The following STRN4 variants were observed in gnomAD, a reference collection of about 807,000 sequenced individuals.
STRN4 encodes striatin 4, also known as striatin-4.
In STRN4, 27 loss-of-function variants were observed where a neutral mutation model predicts 77.9. That is an observed-to-expected ratio of 0.35 (90% CI 0.26 to 0.48). The LOEUF is 0.48. Among genes scored for constraint, STRN4 ranks in the 20% least tolerant of loss-of-function variants. The probability of loss-of-function intolerance (pLI) is 0.99; values close to 1 mark genes in which losing one functional copy is unlikely to be tolerated. For synonymous variants in STRN4, 466 were observed against 443.1 expected, an observed-to-expected ratio of 1.05 and a Z score of -0.65; for missense variants, 798 against 1,049.7, an observed-to-expected ratio of 0.76 and a Z score of 3.31.
In STRN4 at chr19:46,730,792, G is replaced by C. The variant is rs369099278; in HGVS notation, c.819C>G (p.Asp273Glu). The C allele has an allele frequency of 8.1e-6, 13 of 1,612,978 alleles. No homozygotes were observed. The East Asian group carries it at 2.9e-4, about 36-fold the overall frequency. The change falls in exon 6 of 18, where the codon GAC becomes GAG. Residue 273 changes from aspartate to glutamate, a missense_variant. Physicochemically the swap from Asp to Glu is conservative, Grantham distance 45. Around this residue, in one of 2 missense-constraint regions of STRN4, gnomAD observed 511 missense variants for 575.9 expected, o/e 0.89. Coordinates refer to ENST00000263280, the MANE Select transcript of STRN4 (RefSeq NM_013403.3). Reference sequence around the variant, plus strand: ...GCTCATCGTCCTCGTCGCTGTCTTCGTCCTCGCAGTTCTGCAGGAAGGGGA... The same window carrying C: ...GCTCATCGTCCTCGTCGCTGTCTTCCTCCTCGCAGTTCTGCAGGAAGGGGA... ...GQIPFLQNCE[D>E]EDSDEDDELD... is the part of the protein sequence containing the mutation.
chr19:46,723,074 C>G lies in STRN4; in HGVS notation c.1765+40G>C. 6.4e-7 allele frequency: 1 copy of G among 1,560,664 alleles called. No individual in the cohort carries two copies. Among genetic ancestry groups the G allele is most frequent in the Non-Finnish European group, 8.7e-7 (1 of 1,152,348 alleles). ...GAACCACTCTGATAGCCTCCAGATC[C>G]CGCACAGCTCCAGGGTGAGGCACCG... On this transcript the variant is annotated intron_variant, in intron 13 of 17. Coordinates refer to ENST00000263280, the MANE Select transcript of STRN4 (RefSeq NM_013403.3). This position sits in a 1 kb window ranked among gnomAD's most constrained non-coding sequence, Gnocchi z 5.5.
At chr19:46,740,553 G>T (rs2054455405) in intron 1 of STRN4, among the ~76,000 whole-genome samples, 1 of 151,598 alleles carries the variant, frequency 6.6e-6, no homozygotes, top group South Asian at 2.1e-4. Context: ...ACCGACCACC[G>T]AAGACAAGTC....
Position 46,746,363 on chromosome 19 carries a change from C to T in STRN4, c.68G>A (p.Gly23Asp). Reference protein sequence around the residue: ...AASSCRPLGSGAGPGPTGAAP... With the variant: ...AASSCRPLGSDAGPGPTGAAP... Reference sequence around the variant, plus strand: ...CGCCCCAGTGGGGCCAGGGCCCGCGCCTGAGCCGAGCGGACGGCAGGAGGA... The same window carrying T: ...CGCCCCAGTGGGGCCAGGGCCCGCGTCTGAGCCGAGCGGACGGCAGGAGGA... Residue 23 changes from glycine (G) to aspartate (D), a missense_variant, in exon 1 of 18, where the codon GGC (glycine) becomes GAC (aspartate). Transcript: ENST00000263280. The T allele has an allele frequency of 1.7e-6, 2 of 1,170,706 alleles. No homozygotes were observed. The highest frequency in any genetic ancestry group is 2.1e-6 in the Non-Finnish European group (2 of 950,190). The allele number at this position is 1,170,706 out of a possible 1,614,324, so 72.5% of individuals were successfully genotyped here.
intron 6 of STRN4, 103 bp downstream of exon 6, chr19:46,730,629 T>C (rs2054226247): frequency 6.6e-7 from 1 of 1,524,648 alleles, no homozygotes; most frequent in African/African-American, 1.4e-5. Context: ...ATATCCCTGC[T>C]GCCAGCACAC....
In STRN4 at chr19:46,737,374, G is replaced by A. The variant is rs543032867; in HGVS notation, c.461-473C>T. 1.1e-4 allele frequency among the ~76,000 whole-genome samples: 16 copies of A among 152,318 alleles called. No individual in the cohort carries two copies. The East Asian group carries it at 1.9e-3, about 18-fold the overall frequency. ...ATTCAAGTCTTTCCTGGGCATCTAC[G>A]CTGTGCCTGGCCAGGGGCCTGGGCT... On this transcript the variant is annotated intron_variant, in intron 3 of 17. Transcript: ENST00000263280.
chr19:46,740,344 GT>G (rs1224611495), intron 1 of STRN4: 1 of 151,774 alleles, frequency 6.6e-6, no homozygotes, highest in African/African-American at 2.4e-5. Flanking sequence ...AAACTCATCT[GT>G]CCGCTTCAAG....
At chr19:46,736,994 G>A (rs887458199) in intron 3 of STRN4, 93 bp from the exon 4 acceptor site, 53 of 1,264,652 alleles carry the variant, frequency 4.2e-5, no homozygotes, top group South Asian at 3.9e-4. Flanking sequence ...AACCCAAATC[G>A]GTCACTGTCG....
In STRN4 at chr19:46,720,703, G is replaced by A. The variant is rs1381287864; in HGVS notation, c.2161C>T (p.Arg721Cys). 9 of 1,610,918 alleles carry A rather than the reference G, an allele frequency of 5.6e-6. No homozygotes were observed. The highest frequency in any genetic ancestry group is 1.7e-5 in the Admixed American group (1 of 59,678). Reference protein sequence around the residue: ...KTCVQEITAHRKKHEEAIHAV... With the variant: ...KTCVQEITAHCKKHEEAIHAV... ...TGGATGGCCTCCTCGTGCTTCTTGC[G>A]GTGGGCCGTGATCTCCTGCACGCAC... is the stretch of plus-strand genomic sequence containing the variant. Residue 721 changes from arginine (R) to cysteine (C), a missense_variant, in exon 17 of 18, where the codon CGC becomes TGC. Arg to Cys is a radical substitution (Grantham distance 180). Transcript: ENST00000263280.
At chr19:46,732,905 C>T (rs934689398) in intron 5 of STRN4, 134 bp downstream of exon 5, 25 of 1,078,090 alleles carry the variant, frequency 2.3e-5, no homozygotes, top group Non-Finnish European at 3.1e-5. Flanking sequence ...GGTTTCAGAA[C>T]AAGGGAGCCC....
chr19:46,730,564 T>C (rs538402148), intron 6 of STRN4, among the ~76,000 whole-genome samples, 168 bp downstream of exon 6: 2 of 152,304 alleles, frequency 1.3e-5, no homozygotes, highest in East Asian at 3.9e-4. Flanking sequence ...CACATGACTA[T>C]TTACAAGGCC....
In STRN4 at chr19:46,730,897, G is replaced by A. The variant is rs2054235550; in HGVS notation, c.738-24C>T. The A allele has an allele frequency of 3.1e-6, 5 of 1,607,832 alleles. No individual in the cohort carries two copies. The East Asian group carries it at 8.9e-5, about 29-fold the overall frequency. ...TCCTGCCAAAGACAGCAGAGCAGAG[G>A]AGGCATGAGTCCTGGCAGGTGTCAA... On this transcript the variant is annotated intron_variant, in intron 5 of 17. Coordinates refer to ENST00000263280, the MANE Select transcript of STRN4 (RefSeq NM_013403.3).
At chr19:46,732,980 G>A in intron 5 of STRN4, 59 bp downstream of exon 5, 1 of 1,556,774 alleles carries the variant, frequency 6.4e-7, no homozygotes, top group Non-Finnish European at 8.7e-7. Flanking sequence ...CTCTGACCCT[G>A]GCCTTCACCA....
rs148663953 is a variant in STRN4, at chr19:46,725,583, G to A, written c.1314C>T (p.Tyr438=). 583 of 1,614,206 alleles carry A rather than the reference G, an allele frequency of 3.6e-4. No individual in the cohort carries two copies. Among genetic ancestry groups the A allele is most frequent in the Non-Finnish European group, 4.7e-4 (559 of 1,180,032 alleles). ...GGAAGGCCAGGGAACGAATGCCGTC[G>A]TAGTGCGAGCGCAGGGTGAACTTGG... ...WNPKFTLRSH[Y]DGIRSLAFHH... Residue 438 remains tyrosine, a synonymous_variant, in exon 10 of 18, where the codon TAC becomes TAT. Coordinates refer to ENST00000263280, the MANE Select transcript of STRN4 (RefSeq NM_013403.3).
rs142457088 is a variant in STRN4 at position 46,743,722 on chromosome 19, A to G, written c.282+2427T>C. ...CGAAACCAGCCTGACCAACGTGGCA[A>G]AACCCCATCTCTACTAAAAATACAA... On this transcript the variant is annotated intron_variant, in intron 1 of 17. Coordinates refer to ENST00000263280, the MANE Select transcript of STRN4 (RefSeq NM_013403.3). 5.2e-3 allele frequency among the ~76,000 whole-genome samples: 788 copies of G among 152,158 alleles called. 5 individuals are homozygous for G. Among genetic ancestry groups the G allele is most frequent in the Non-Finnish European group, 9.4e-3 (640 of 68,000 alleles).
Position 46,733,374 on chromosome 19 carries a change from C to T in STRN4, c.540-138G>A, listed in dbSNP as rs2054294851. On this transcript the variant is annotated intron_variant, in intron 4 of 17. Transcript: ENST00000263280. This position sits in a 1 kb window ranked among gnomAD's most constrained non-coding sequence, Gnocchi z 4.3. ...AAAATCTGACATAAGCACACCCTCG[C>T]TCCAGCAGTTCCCCGTCAAGGCTAT... The T allele has an allele frequency of 1.4e-6, 1 of 737,546 alleles. No individual in the cohort carries two copies. The highest frequency in any genetic ancestry group is 1.8e-5 in the African/African-American group (1 of 56,936). 45.7% of individuals were successfully genotyped at this position (737,546 alleles called of 1,614,324 possible).
In STRN4 at chr19:46,723,388, A is replaced by G; in HGVS notation, c.1595-104T>C. The G allele has an allele frequency of 1.4e-6, 2 of 1,382,470 alleles. No homozygotes were observed. Among genetic ancestry groups the G allele is most frequent in the East Asian group, 2.5e-5 (1 of 39,626 alleles). 85.6% of individuals were successfully genotyped at this position (1,382,470 alleles called of 1,614,324 possible). ...CCAAGCCCCAGGCAGCTGGGCTCCA[A>G]TCACCCACGCACCCACTTCACACCT... On this transcript the variant is annotated intron_variant, in intron 12 of 17. Coordinates refer to ENST00000263280, the MANE Select transcript of STRN4 (RefSeq NM_013403.3). The surrounding 1 kb of genome is among the most constrained non-coding windows in gnomAD (Gnocchi z 5.5).
intron 5 of STRN4, 193 bp from the exon 6 acceptor site, chr19:46,731,066 A>C: frequency 1.3e-6 from 1 of 779,338 alleles, no homozygotes; most frequent in Non-Finnish European, 2.0e-6. Flanking sequence ...TTCCAACTGG[A>C]AGCCTCACTC....
rs2054325122 is a variant in STRN4 at position 46,734,769 on chromosome 19, A to AGTGT, written c.540-1534_540-1533insACAC. 1.2e-4 allele frequency among the ~76,000 whole-genome samples: 19 copies of AGTGT among 152,242 alleles called. No individual in the cohort carries two copies. In the South Asian group the frequency reaches 3.7e-3, roughly 30 times the overall value. ...AAGCTCCGTCTCCCGGGTTCACGCC[A>AGTGT]TTCTCCTGCCTCAGCCTCCCGAGTA... On this transcript the variant is annotated intron_variant, in intron 4 of 17. Coordinates refer to ENST00000263280, the MANE Select transcript of STRN4 (RefSeq NM_013403.3).
chr19:46,744,586 T>G (rs2122431215), intron 1 of STRN4, among the ~76,000 whole-genome samples: 1 of 152,244 alleles, frequency 6.6e-6, no homozygotes, highest in African/African-American at 2.4e-5. Context: ...GGTCTTGCTA[T>G]GTTGGCCAGG....
Sources: gnomAD v4.1 joint callset for allele counts (sites outside exome capture counted in the v4.1 genomes callset) on GRCh38, gnomAD v4.1.1 for gene constraint, gnomAD v4.1.1 regional missense constraint, Gnocchi (gnomAD v3.1) non-coding constraint, MANE v1.5 for transcripts, NCBI Gene and HGNC (gene_info 2026-07-23, HGNC 2026-07-21) for gene names.